The following MAB21L3 variants were observed in gnomAD, a reference collection of about 807,000 sequenced individuals.
MAB21L3 encodes the protein protein mab-21-like 3.
Under a neutral mutation model 37.7 loss-of-function variants are expected in MAB21L3, and 36 were observed. The ratio of observed to expected loss-of-function variants is 0.96; its 90% CI spans 0.73 to 1.26. The LOEUF (loss-of-function observed/expected upper bound fraction) is 1.26. Ranked by LOEUF, MAB21L3 falls within the 50% of genes most tolerant of loss-of-function variation. The pLI, the probability that MAB21L3 is intolerant of heterozygous loss-of-function variation, is 0.00. For missense variants in MAB21L3, 430 were observed against 447.3 expected, an observed-to-expected ratio of 0.96 and a Z score of 0.35; for synonymous variants, 186 against 176.8, an observed-to-expected ratio of 1.05 and a Z score of -0.41.
intron 7 of MAB21L3, among the ~76,000 whole-genome samples, chr1:116,130,388 G>A (rs1660039391): frequency 1.3e-5 from 2 of 152,294 alleles, no homozygotes; most frequent in South Asian, 4.1e-4. Context: ...TTTTTTAAGT[G>A]GGCTATTTCT....
Position 116,127,597 on chromosome 1 carries a change from C to T in MAB21L3, c.613C>T (p.Arg205Ter), listed in dbSNP as rs753934721. ...TTWSKKARWP[R>*]CLQRWPSQER... is the part of the protein sequence containing the mutation. ...CTGGTCCAAGAAAGCCCGGTGGCCT[C>T]GATGTCTGCAGCGCTGGCCTTCCCA... The change falls in exon 6 of 8, where the codon CGA becomes TGA. Residue 205 changes from arginine to a stop codon, truncating the protein, a stop_gained. Coordinates refer to ENST00000369500, the MANE Select transcript of MAB21L3 (RefSeq NM_152367.3). LOFTEE classifies it high-confidence loss of function. 26 of 1,614,124 alleles carry T rather than the reference C, an allele frequency of 1.6e-5. No individual in the cohort carries two copies. Among genetic ancestry groups the T allele is most frequent in the African/African-American group, 2.7e-5 (2 of 75,036 alleles).
intron 3 of MAB21L3, among the ~76,000 whole-genome samples, chr1:116,120,432 A>AAC (rs1198698955): frequency 6.4e-4 from 70 of 109,712 alleles, no homozygotes; most frequent in African/African-American, 2.9e-3. Flanking sequence ...CACACACACA[A>AAC]ACACACACAC....
At chr1:116,129,506 G>T (rs1164934591) in intron 7 of MAB21L3, among the ~76,000 whole-genome samples, 5 of 152,190 alleles carry the variant, frequency 3.3e-5, no homozygotes, top group African/African-American at 9.6e-5. Flanking sequence ...TCACCTATCT[G>T]TGAGGTGCCT....
At chr1:116,113,589 C>T (rs941287391) in intron 3 of MAB21L3, among the ~76,000 whole-genome samples, 1 of 152,198 alleles carries the variant, frequency 6.6e-6, no homozygotes, top group African/African-American at 2.4e-5. Flanking sequence ...CTCCGCTCCC[C>T]CTGCATTTCC....
At chr1:116,120,605 G>A (rs1659720639) in intron 3 of MAB21L3, among the ~76,000 whole-genome samples, 1 of 151,414 alleles carries the variant, frequency 6.6e-6, no homozygotes, top group South Asian at 2.1e-4. Flanking sequence ...TATATTTTCA[G>A]CTAGAGGGCA....
chr1:116,113,312 C>G (rs1209638467), intron 3 of MAB21L3, among the ~76,000 whole-genome samples: 2 of 152,136 alleles, frequency 1.3e-5, no homozygotes, highest in Non-Finnish European at 2.9e-5. Context: ...CATGCCTTTA[C>G]AAGTTCGAAA....
chr1:116,130,472 C>T (rs115087119), intron 7 of MAB21L3, among the ~76,000 whole-genome samples: 92 of 152,352 alleles, frequency 6.0e-4, no homozygotes, highest in Non-Finnish European at 9.7e-4. Context: ...ACAGAATTAT[C>T]TCCCATTTAG....
rs113502230 is a variant in MAB21L3 at position 116,119,083 on chromosome 1, G to A, written c.49-1849G>A. On this transcript the variant is annotated intron_variant, in intron 3 of 7. Transcript: ENST00000369500. ...AATTGAATCACAACACAGATGGGAA[G>A]TCCTATGCTGGAGAGGACCCTTAAG... Among the ~76,000 whole-genome samples the A allele has an allele frequency of 2.6e-5, 4 of 152,342 alleles. 1 individual carries two copies. Among genetic ancestry groups the A allele is most frequent in the African/African-American group, 7.2e-5 (3 of 41,582 alleles).
chr1:116,127,057 C>T (rs1406262631), intron 5 of MAB21L3, among the ~76,000 whole-genome samples: 2 of 152,156 alleles, frequency 1.3e-5, no homozygotes, highest in Admixed American at 6.5e-5. Context: ...AGAATATTTT[C>T]AGCTTCATCA....
chr1:116,117,876 C>G (rs1570802927), intron 3 of MAB21L3, among the ~76,000 whole-genome samples: 1 of 152,282 alleles, frequency 6.6e-6, no homozygotes, highest in East Asian at 1.9e-4. Context: ...TTCTTTCTTT[C>G]TGCCACACCA....
intron 4 of MAB21L3, among the ~76,000 whole-genome samples, chr1:116,121,380 TA>T (rs999364339): frequency 6.6e-6 from 1 of 152,014 alleles, no homozygotes; most frequent in Non-Finnish European, 1.5e-5. Context: ...GAAAAAAAGA[TA>T]GATGTTATTT....
chr1:116,125,589 C>T (rs985130688), intron 5 of MAB21L3, among the ~76,000 whole-genome samples: 4 of 149,930 alleles, frequency 2.7e-5, no homozygotes, highest in African/African-American at 5.1e-5. Flanking sequence ...TATGAGATTC[C>T]ATCTGTGTGA....
Position 116,128,188 on chromosome 1 carries a change from A to G in MAB21L3, c.704A>G (p.Gln235Arg), listed in dbSNP as rs763119981. 2.5e-6 allele frequency: 4 copies of G among 1,613,838 alleles called. No homozygotes were observed. The highest frequency in any genetic ancestry group is 2.5e-6 in the Non-Finnish European group (3 of 1,179,928). Reference protein sequence around the residue: ...NLLACSNYHWQLSFLRAEQVL... With the variant: ...NLLACSNYHWRLSFLRAEQVL... Reference sequence around the variant, plus strand: ...TTGGCCTGTTCAAATTATCACTGGCAGCTGAGCTTCCTCCGTGCTGAGCAG... The same window carrying G: ...TTGGCCTGTTCAAATTATCACTGGCGGCTGAGCTTCCTCCGTGCTGAGCAG... Residue 235 changes from glutamine (Q) to arginine (R), a missense_variant, in exon 7 of 8, where the codon CAG becomes CGG. By Grantham distance (43) the Gln-to-Arg change is conservative. Coordinates refer to ENST00000369500, the MANE Select transcript of MAB21L3 (RefSeq NM_152367.3).
At chr1:116,120,612 G>A (rs1659720749) in intron 3 of MAB21L3, among the ~76,000 whole-genome samples, 1 of 151,632 alleles carries the variant, frequency 6.6e-6, no homozygotes, top group Non-Finnish European at 1.5e-5. Flanking sequence ...TCAGCTAGAG[G>A]GCAAGTATCT....
chr1:116,116,262 T>A (rs1435314165), intron 3 of MAB21L3, among the ~76,000 whole-genome samples: 1 of 152,108 alleles, frequency 6.6e-6, no homozygotes, highest in African/African-American at 2.4e-5. Flanking sequence ...CCAGCACAAA[T>A]CACTTCTGGG....
rs1485449761 is a variant in MAB21L3 at position 116,135,635 on chromosome 1, A to G, written c.*2270A>G. On this transcript the variant is annotated 3_prime_UTR_variant, in exon 8 of 8. Transcript: ENST00000369500. ...CCTCCCTAACTCATTTTATGAGGCC[A>G]GCATCATCCTGATACCAAAGCCGGG... 6.6e-6 allele frequency among the ~76,000 whole-genome samples: 1 copy of G among 152,260 alleles called. No individual in the cohort carries two copies. Among genetic ancestry groups the G allele is most frequent in the East Asian group, 1.9e-4 (1 of 5,198 alleles).
intron 3 of MAB21L3, among the ~76,000 whole-genome samples, chr1:116,118,825 C>G (rs75853752): frequency 0.021 from 3,208 of 152,286 alleles, 101 homozygotes; most frequent in African/African-American, 0.073. Flanking sequence ...TTTCAAGATA[C>G]AACTCCAACA....
In MAB21L3 at chr1:116,128,130, T is replaced by A; in HGVS notation, c.661-15T>A. 2.5e-6 allele frequency: 4 copies of A among 1,603,334 alleles called. No individual in the cohort carries two copies. Among genetic ancestry groups the A allele is most frequent in the Non-Finnish European group, 3.4e-6 (4 of 1,174,220 alleles). ...TTGTTCTTCTTATTTCCCAATATTT[T>A]TCTCTTTCTTCCAGTCGTTTGGATT... On this transcript the variant is annotated splice_polypyrimidine_tract_variant and intron_variant, in intron 6 of 7. Transcript: ENST00000369500.
chr1:116,130,422 T>A (rs1328526071), intron 7 of MAB21L3, among the ~76,000 whole-genome samples: 1 of 152,270 alleles, frequency 6.6e-6, no homozygotes, highest in Admixed American at 6.5e-5. Flanking sequence ...CAGAAAGTGC[T>A]AACTGCCTTT....
Sources: allele counts gnomAD v4.1 joint callset (sites outside exome capture counted in the v4.1 genomes callset), GRCh38; gene constraint gnomAD v4.1.1; transcripts MANE v1.5; gene names NCBI Gene and HGNC (gene_info 2026-07-23, HGNC 2026-07-21).